The following STXBP5 variants were observed in gnomAD, a reference collection of about 807,000 sequenced individuals.
The protein encoded by STXBP5 is syntaxin binding protein 5, also known as syntaxin-binding protein 5.
In STXBP5, 50 loss-of-function variants were observed where a neutral mutation model predicts 152.4. That is an observed-to-expected ratio of 0.33 (90% CI 0.26 to 0.42). The LOEUF is 0.42. Ranked by LOEUF, STXBP5 falls within the 10% of genes least tolerant of loss-of-function variation. STXBP5 has a pLI of 1.00. For synonymous variants in STXBP5, 492 were observed against 494.7 expected, an observed-to-expected ratio of 0.99 and a Z score of 0.07; for missense variants, 1,167 against 1,388.6, an observed-to-expected ratio of 0.84 and a Z score of 2.54.
At chr6:147,263,073 G>A (rs539674313) in intron 6 of STXBP5, among the ~76,000 whole-genome samples, 2 of 152,026 alleles carry the variant, frequency 1.3e-5, no homozygotes, top group South Asian at 2.1e-4. Flanking sequence ...TGGATTTTGT[G>A]CAGGAGTTTA....
At chr6:147,245,677 G>T (rs1778775560) in intron 4 of STXBP5, among the ~76,000 whole-genome samples, 1 of 152,130 alleles carries the variant, frequency 6.6e-6, no homozygotes, top group African/African-American at 2.4e-5. Context: ...TGGAGTCTTG[G>T]CAGATGTAGT....
chr6:147,350,334 C>A (rs564788715), intron 21 of STXBP5, among the ~76,000 whole-genome samples: 1 of 152,002 alleles, frequency 6.6e-6, no homozygotes, highest in Admixed American at 6.6e-5. Flanking sequence ...TAAGGAAGAT[C>A]AAAAGCATGC....
intron 2 of STXBP5, among the ~76,000 whole-genome samples, chr6:147,219,799 GTTTTTTTTTTT>G (rs35444906): frequency 2.0e-4 from 17 of 86,114 alleles, no homozygotes; most frequent in East Asian, 6.8e-4. Flanking sequence ...CTAGAAGCTT[GTTTTTTTTTTT>G]TTTTTTTTTT....
At position 147,385,627 on chromosome 6, in the gene STXBP5, T is replaced by TA. The variant is rs1786301626; in HGVS notation, c.*875dup. 6.6e-6 allele frequency: 1 copy of TA among 152,132 alleles called. No individual in the cohort carries two copies. The highest frequency in any genetic ancestry group is 1.5e-5 in the Non-Finnish European group (1 of 67,990). The allele number at this position is 152,132 out of a possible 1,614,324, so 9.4% of individuals were successfully genotyped here. Reference sequence around the variant, plus strand: ...TGGATTTGACCAAAATAATGCTGGTTAAATTTGTAGAAATGTTGAAATTGG... The same window carrying TA: ...TGGATTTGACCAAAATAATGCTGGTTAAAATTTGTAGAAATGTTGAAATTGG... On this transcript the variant is annotated 3_prime_UTR_variant, in exon 28 of 28. Coordinates refer to ENST00000321680, the MANE Select transcript of STXBP5 (RefSeq NM_001127715.4).
chr6:147,305,510 C>G (rs548184423), intron 9 of STXBP5, among the ~76,000 whole-genome samples: 1 of 152,226 alleles, frequency 6.6e-6, no homozygotes, highest in South Asian at 2.1e-4. Context: ...TTGGTTTTTA[C>G]TCTAACAATT....
chr6:147,287,265 G>C (rs897103637), intron 8 of STXBP5, among the ~76,000 whole-genome samples: 7 of 143,580 alleles, frequency 4.9e-5, no homozygotes, highest in African/African-American at 1.8e-4. Context: ...TGCAGTGGCG[G>C]GATCTCGGCT....
At chr6:147,333,030 A>T (rs571323283) in intron 18 of STXBP5, among the ~76,000 whole-genome samples, 218 of 152,314 alleles carry the variant, frequency 1.4e-3, no homozygotes, top group African/African-American at 4.7e-3. Flanking sequence ...ATTCAGTACT[A>T]GTCACGTCAT....
intron 9 of STXBP5, among the ~76,000 whole-genome samples, chr6:147,300,955 C>CA (rs935699736): frequency 0.02 from 2,765 of 137,566 alleles, 43 homozygotes; most frequent in African/African-American, 0.046. Context: ...GTTCAATAGC[C>CA]AAAAAAAAAA....
chr6:147,213,432 ATATGTGTGTGTG>A (rs376119830), intron 2 of STXBP5, among the ~76,000 whole-genome samples: 17,895 of 121,004 alleles, frequency 0.15, 1,440 homozygotes, highest in South Asian at 0.23. Flanking sequence ...ATAATTTTAT[ATATGTGTGTGTG>A]TGTGTGTGTG....
rs1480676860 is a variant in STXBP5, at chr6:147,324,815, A to C, written c.1803-144A>C. On this transcript the variant is annotated intron_variant, in intron 16 of 27. Coordinates refer to ENST00000321680, the MANE Select transcript of STXBP5 (RefSeq NM_001127715.4). ...GTTAATTACATACTTAGTCCCTCCA[A>C]CTAGGTTAAATGCTTCTAGAAAACA... 4.0e-6 allele frequency: 3 copies of C among 741,318 alleles called. No individual in the cohort carries two copies. In the East Asian group the frequency reaches 1.0e-4, roughly 26 times the overall value. 45.9% of individuals were successfully genotyped at this position (741,318 alleles called of 1,614,324 possible).
intron 26 of STXBP5, among the ~76,000 whole-genome samples, chr6:147,378,070 T>C (rs908628396): frequency 1.3e-5 from 2 of 152,182 alleles, no homozygotes; most frequent in African/African-American, 4.8e-5. Context: ...TATCAGACAT[T>C]GAAGCCATCA....
intron 21 of STXBP5, among the ~76,000 whole-genome samples, chr6:147,347,326 G>A (rs1341327371): frequency 6.6e-6 from 1 of 152,150 alleles, no homozygotes; most frequent in Non-Finnish European, 1.5e-5. Context: ...CAAGTATGAA[G>A]ACAATAGGCA....
intron 21 of STXBP5, among the ~76,000 whole-genome samples, chr6:147,347,919 A>G (rs764758166): frequency 5.9e-5 from 9 of 152,240 alleles, no homozygotes; most frequent in East Asian, 1.9e-4. Context: ...TGGATGTTCA[A>G]TTAATTTAAT....
At chr6:147,291,330 A>G (rs1348888156) in intron 9 of STXBP5, among the ~76,000 whole-genome samples, 158 bp downstream of exon 9, 1 of 152,110 alleles carries the variant, frequency 6.6e-6, no homozygotes, top group Non-Finnish European at 1.5e-5. Flanking sequence ...AAAATTGGTA[A>G]ATTTAGGATA....
intron 2 of STXBP5, among the ~76,000 whole-genome samples, chr6:147,217,464 G>A (rs1777229856): frequency 6.6e-6 from 1 of 152,142 alleles, no homozygotes; most frequent in Non-Finnish European, 1.5e-5. Context: ...AGTAGTTTGA[G>A]CAAGTGGTTC....
rs913861566 is a variant in STXBP5 at position 147,389,403 on chromosome 6, T to C, written c.*4648T>C. On this transcript the variant is annotated 3_prime_UTR_variant, in exon 28 of 28. Transcript: ENST00000321680. Reference sequence around the variant, plus strand: ...TTATAACATTGCTTTCTTCAGTTATTAATACAGTCAAATTAATTTTAACAA... The same window carrying C: ...TTATAACATTGCTTTCTTCAGTTATCAATACAGTCAAATTAATTTTAACAA... 1 of 151,856 alleles carries C rather than the reference T, an allele frequency of 6.6e-6. No homozygotes were observed. Among genetic ancestry groups the C allele is most frequent in the Non-Finnish European group, 1.5e-5 (1 of 67,778 alleles). The allele number at this position is 151,856 out of a possible 1,614,324, so 9.4% of individuals were successfully genotyped here.
chr6:147,332,135 A>G (rs1783604010), intron 18 of STXBP5, among the ~76,000 whole-genome samples: 1 of 152,214 alleles, frequency 6.6e-6, no homozygotes, highest in South Asian at 2.1e-4. Context: ...GGATTCTGGC[A>G]GTAACAGAGG....
chr6:147,381,706 A>G (rs1483044145), intron 26 of STXBP5, among the ~76,000 whole-genome samples: 1 of 152,190 alleles, frequency 6.6e-6, no homozygotes, highest in Non-Finnish European at 1.5e-5. Context: ...ATCCATAATA[A>G]GGGATGAAGT....
At position 147,260,158 on chromosome 6, in the gene STXBP5, T is replaced by A. The variant is rs61271397; in HGVS notation, c.432-457T>A. 7.4e-3 allele frequency among the ~76,000 whole-genome samples: 1,120 copies of A among 152,252 alleles called. 11 individuals carry two copies. Among genetic ancestry groups the A allele is most frequent in the African/African-American group, 0.025 (1,048 of 41,560 alleles). ...AAATGCAAGTGGTATTTGAATTGAA[T>A]CTTTGAAGAGAAGAAAAATATCAAG... is the stretch of plus-strand genomic sequence containing the variant. On this transcript the variant is annotated intron_variant, in intron 4 of 27. Transcript: ENST00000321680.
Sources: gnomAD v4.1 joint callset for allele counts (sites outside exome capture counted in the v4.1 genomes callset) on GRCh38, gnomAD v4.1.1 for gene constraint, MANE v1.5 for transcripts, NCBI Gene and HGNC (gene_info 2026-07-23, HGNC 2026-07-21) for gene names.